The following IL1RAPL2 variants were observed in gnomAD, a reference collection of about 807,000 sequenced individuals.
IL1RAPL2 encodes interleukin 1 receptor accessory protein like 2, also known as X-linked interleukin-1 receptor accessory protein-like 2.
A neutral mutation model predicts 44.1 loss-of-function variants in IL1RAPL2; 3 were observed. That is an observed-to-expected ratio of 0.07 (90% CI 0.03 to 0.18). IL1RAPL2 has a LOEUF of 0.18. Among genes scored for constraint, IL1RAPL2 ranks in the 10% least tolerant of loss-of-function variants. The pLI is 1.00. For synonymous variants in IL1RAPL2, 181 were observed against 178.8 expected (o/e 1.01, Z -0.10); for missense variants, 391 against 496.4 (o/e 0.79, Z 2.02).
intron 1 of IL1RAPL2, among the ~76,000 whole-genome samples, chrX:104,599,859 G>A (rs1305660736): frequency 1.8e-5 from 2 of 111,352 alleles, no homozygotes; most frequent in African/African-American, 3.3e-5. Flanking sequence ...TGTGAGATGT[G>A]AGTTTTTTTT....
At chrX:104,797,795 G>A (rs1380431550) in intron 2 of IL1RAPL2, among the ~76,000 whole-genome samples, 1 of 112,060 alleles carries the variant, frequency 8.9e-6, no homozygotes, top group African/African-American at 3.2e-5. Flanking sequence ...ATAGAATCAG[G>A]GCGGTGATGT....
chrX:105,288,955 G>A (rs1158541982), intron 5 of IL1RAPL2, among the ~76,000 whole-genome samples: 1 of 111,409 alleles, frequency 9.0e-6, no homozygotes, highest in Non-Finnish European at 1.9e-5. Context: ...TGGTTTCACA[G>A]AGAGAATTCT....
chrX:105,254,067 C>G (rs900147213), intron 4 of IL1RAPL2, among the ~76,000 whole-genome samples: 1 of 111,531 alleles, frequency 9.0e-6, no homozygotes, highest in African/African-American at 3.3e-5. Context: ...TGGGTATATA[C>G]CCAGTAATAG....
At chrX:104,573,480 C>G (rs1314730788) in intron 1 of IL1RAPL2, among the ~76,000 whole-genome samples, 1 of 111,832 alleles carries the variant, frequency 8.9e-6, no homozygotes, top group Non-Finnish European at 1.9e-5. Context: ...TTGTTTCCAC[C>G]AAAAACACGT....
intron 2 of IL1RAPL2, among the ~76,000 whole-genome samples, chrX:104,787,496 T>C (rs977115276): frequency 1.8e-5 from 2 of 111,395 alleles, no homozygotes; most frequent in African/African-American, 6.5e-5. Flanking sequence ...AGTCTACAGA[T>C]GTCAAGAATG....
intron 2 of IL1RAPL2, among the ~76,000 whole-genome samples, chrX:105,057,948 A>ATTT (rs763809656): frequency 1.9e-5 from 1 of 52,330 alleles, no homozygotes; most frequent in African/African-American, 6.7e-5. Context: ...CACCCAGCTA[A>ATTT]TTTTTTTTTT....
rs185354806 is a variant in IL1RAPL2 at position 105,234,543 on chromosome X, T to G, written c.543+539T>G. Among the ~76,000 whole-genome samples, 151 of 111,789 alleles carry G rather than the reference T, an allele frequency of 1.4e-3. 1 individual carries two copies. Among genetic ancestry groups the G allele is most frequent in the Non-Finnish European group, 1.3e-3 (68 of 53,182 alleles). On this transcript the variant is annotated intron_variant, in intron 4 of 10. Coordinates refer to ENST00000372582, the MANE Select transcript of IL1RAPL2 (RefSeq NM_017416.2). ...GAGAATTGTGGCCAGGTGCAGTGGC[T>G]CATGCCTGTAATCCCAGCATTTTGG...
At chrX:104,761,972 CTTCTTCTTCTT>C (rs1569309971) in intron 2 of IL1RAPL2, among the ~76,000 whole-genome samples, 4 of 97,499 alleles carry the variant, frequency 4.1e-5, no homozygotes, top group African/African-American at 1.6e-4. Flanking sequence ...TCTTCTTCTT[CTTCTTCTTCTT>C]CCTCCTCCTC....
At chrX:104,682,654 C>T (rs1219553243) in intron 2 of IL1RAPL2, among the ~76,000 whole-genome samples, 1 of 111,616 alleles carries the variant, frequency 9.0e-6, no homozygotes, top group Non-Finnish European at 1.9e-5. Flanking sequence ...AATAGCTACT[C>T]AATAAATATT....
intron 2 of IL1RAPL2, among the ~76,000 whole-genome samples, chrX:104,778,664 TTTA>T (rs200149643): frequency 0.33 from 35,112 of 105,616 alleles, 5,280 homozygotes; most frequent in East Asian, 0.46. Context: ...TCAATTATTA[TTTA>T]TTATTATTTA....
intron 2 of IL1RAPL2, among the ~76,000 whole-genome samples, chrX:104,832,870 T>C (rs1453406743): frequency 9.0e-6 from 1 of 111,571 alleles, no homozygotes; most frequent in African/African-American, 3.3e-5. Context: ...TCAACATCAG[T>C]TGAAAAAAAG....
At chrX:104,618,919 T>C (rs947530027) in intron 1 of IL1RAPL2, among the ~76,000 whole-genome samples, 2 of 110,638 alleles carry the variant, frequency 1.8e-5, no homozygotes, top group Non-Finnish European at 3.8e-5. Flanking sequence ...TACCAGAGAG[T>C]GCCCTTGAGT....
intron 9 of IL1RAPL2, chrX:105,752,830 G>A: frequency 3.5e-6 from 1 of 289,768 alleles, no homozygotes; most frequent in Non-Finnish European, 6.6e-6. Context: ...GTATCCTAGA[G>A]CTTTTGGGAC....
intron 5 of IL1RAPL2, among the ~76,000 whole-genome samples, chrX:105,338,628 G>A (rs1306329831): frequency 8.9e-6 from 1 of 111,800 alleles, no homozygotes; most frequent in Admixed American, 9.5e-5. Context: ...AGGCCAAGGG[G>A]AGTTAAATTG....
At chrX:105,362,502 A>G (rs2035254918) in intron 5 of IL1RAPL2, among the ~76,000 whole-genome samples, 1 of 110,853 alleles carries the variant, frequency 9.0e-6, no homozygotes, top group African/African-American at 3.3e-5. Context: ...AGGGGGTAGG[A>G]AGTTTTATAA....
intron 2 of IL1RAPL2, among the ~76,000 whole-genome samples, chrX:105,013,576 C>T (rs998342750): frequency 3.6e-5 from 4 of 110,414 alleles, no homozygotes; most frequent in Non-Finnish European, 5.7e-5. Context: ...TTAGTCCTTG[C>T]TTGCTGGTAT....
At chrX:104,669,543 G>A (rs1268919034) in intron 2 of IL1RAPL2, among the ~76,000 whole-genome samples, 1 of 111,646 alleles carries the variant, frequency 9.0e-6, no homozygotes, top group African/African-American at 3.3e-5. Flanking sequence ...TCTCAGCAGT[G>A]TCTGCATATT....
At chrX:105,200,915 CCACA>C (rs61216729) in intron 3 of IL1RAPL2, among the ~76,000 whole-genome samples, 25 of 104,338 alleles carry the variant, frequency 2.4e-4, no homozygotes, top group African/African-American at 7.3e-4. Flanking sequence ...CGTTTCACAC[CCACA>C]CACACACACA....
At chrX:104,627,392 T>C (rs1929535415) in intron 1 of IL1RAPL2, among the ~76,000 whole-genome samples, 1 of 104,778 alleles carries the variant, frequency 9.5e-6, no homozygotes, top group Admixed American at 1.0e-4. Context: ...AAATGACGAG[T>C]TAATGGGTGC....
Sources: gnomAD v4.1 joint callset for allele counts (sites outside exome capture counted in the v4.1 genomes callset) on GRCh38, gnomAD v4.1.1 for gene constraint, MANE v1.5 for transcripts, NCBI Gene and HGNC (gene_info 2026-07-23, HGNC 2026-07-21) for gene names.